BRINP3: variants seen among roughly 807,000 people sequenced by gnomAD.
The protein encoded by BRINP3 is BMP/retinoic acid-inducible neural-specific protein 3.
Under a neutral mutation model 71.0 loss-of-function variants are expected in BRINP3, and 19 were observed. The ratio of observed to expected loss-of-function variants is 0.27; its 90% CI spans 0.19 to 0.39. The LOEUF (loss-of-function observed/expected upper bound fraction) is 0.39, where lower values mean the gene tolerates loss of function less well. BRINP3 is among the 10% of genes least tolerant of loss of function. BRINP3 has a pLI of 1.00. For missense variants in BRINP3, 959 were observed against 940.8 expected (o/e 1.02, Z -0.25); for synonymous variants, 380 against 337.7 (o/e 1.13, Z -1.37).
chr1:190,297,937 T>C (rs925717633), intron 2 of BRINP3, among the ~76,000 whole-genome samples: 3 of 152,098 alleles, frequency 2.0e-5, no homozygotes, highest in Non-Finnish European at 4.4e-5. Context: ...TTAATTCTTA[T>C]TCAAATATTT....
chr1:190,356,007 T>C (rs1164018520), intron 2 of BRINP3, among the ~76,000 whole-genome samples: 2 of 151,970 alleles, frequency 1.3e-5, no homozygotes, highest in Non-Finnish European at 2.9e-5. Context: ...AGCTATATAT[T>C]CGCCTACATG....
intron 2 of BRINP3, among the ~76,000 whole-genome samples, chr1:190,321,963 T>G (rs564937145): frequency 1.1e-4 from 17 of 152,110 alleles, no homozygotes; most frequent in African/African-American, 3.9e-4. Context: ...TCTCTAAAAT[T>G]AATGAAATGA....
At chr1:190,309,273 A>G (rs978788743) in intron 2 of BRINP3, among the ~76,000 whole-genome samples, 3 of 151,784 alleles carry the variant, frequency 2.0e-5, no homozygotes, top group Non-Finnish European at 4.4e-5. Flanking sequence ...ACAGAGTAGA[A>G]TGGTAGTTGT....
chr1:190,477,804 T>A lies in BRINP3; in HGVS notation c.-407A>T, dbSNP rs559341692. 1.3e-5 allele frequency: 2 copies of A among 152,162 alleles called. No individual in the cohort carries two copies. The highest frequency in any genetic ancestry group is 2.9e-5 in the Non-Finnish European group (2 of 68,054). 9.4% of individuals were successfully genotyped at this position (152,162 alleles called of 1,614,324 possible). ...CAGAGAACAGGAGGTGGAATACAGA[T>A]AAATCTGCAAAGAGAAGTAAAAGGA... On this transcript the variant is annotated 5_prime_UTR_variant, in exon 1 of 8. Transcript: ENST00000367462.
At chr1:190,322,897 A>G (rs531894695) in intron 2 of BRINP3, among the ~76,000 whole-genome samples, 1 of 152,144 alleles carries the variant, frequency 6.6e-6, no homozygotes, top group South Asian at 2.1e-4. Flanking sequence ...CCTTCACATT[A>G]ATTATCTCGT....
At chr1:190,125,587 A>T (rs1030650757) in intron 7 of BRINP3, among the ~76,000 whole-genome samples, 1 of 152,008 alleles carries the variant, frequency 6.6e-6, no homozygotes, top group African/African-American at 2.4e-5. Context: ...TATCTTAAAG[A>T]AATTTCTACA....
At chr1:190,278,050 G>A (rs1217432081) in intron 3 of BRINP3, among the ~76,000 whole-genome samples, 1 of 151,592 alleles carries the variant, frequency 6.6e-6, no homozygotes, top group African/African-American at 2.4e-5. Context: ...AAGGCTTCAA[G>A]TATGGTACCC....
intron 7 of BRINP3, 24 bp from the exon 8 acceptor site, chr1:190,099,158 T>C (rs1452523189): frequency 1.9e-6 from 3 of 1,599,614 alleles, no homozygotes; most frequent in South Asian, 1.1e-5. Context: ...ACAGAACGAA[T>C]CTACATAAAT....
At chr1:190,241,915 T>G (rs950173525) in intron 4 of BRINP3, among the ~76,000 whole-genome samples, 5 of 151,638 alleles carry the variant, frequency 3.3e-5, no homozygotes, top group African/African-American at 1.2e-4. Flanking sequence ...CTGAAGATAG[T>G]GCCTTATAAT....
intron 2 of BRINP3, among the ~76,000 whole-genome samples, chr1:190,405,171 G>T (rs1672179548): frequency 6.6e-6 from 1 of 151,984 alleles, no homozygotes; most frequent in African/African-American, 2.4e-5. Flanking sequence ...CAGAAACGTG[G>T]CCGGGCACAG....
intron 3 of BRINP3, among the ~76,000 whole-genome samples, chr1:190,267,074 C>T (rs1297798216): frequency 6.6e-6 from 1 of 152,014 alleles, no homozygotes; most frequent in East Asian, 1.9e-4. Context: ...TATGAGACTT[C>T]AACACATATT....
chr1:190,260,873 T>C lies in BRINP3; in HGVS notation c.618+3992A>G, dbSNP rs1194413883. ...GTTAATTGTAATATACTGTTTCTAC[T>C]TATTCCTAGGTTTGCTGCTCAAAAC... On this transcript the variant is annotated intron_variant, in intron 4 of 7. Coordinates refer to ENST00000367462, the MANE Select transcript of BRINP3 (RefSeq NM_199051.3). Among the ~76,000 whole-genome samples, 4 of 152,068 alleles carry C rather than the reference T, an allele frequency of 2.6e-5. No homozygotes were observed. The East Asian group carries it at 7.7e-4, about 29-fold the overall frequency.
At chr1:190,443,453 T>C (rs1674977037) in intron 2 of BRINP3, among the ~76,000 whole-genome samples, 1 of 151,808 alleles carries the variant, frequency 6.6e-6, no homozygotes, top group South Asian at 2.1e-4. Flanking sequence ...CAAAGAACTC[T>C]GAGAATCTTT....
intron 7 of BRINP3, among the ~76,000 whole-genome samples, chr1:190,124,523 C>A (rs1246961386): frequency 6.6e-6 from 1 of 152,050 alleles, no homozygotes; most frequent in Non-Finnish European, 1.5e-5. Context: ...TGCGTAGAAG[C>A]TGCTTAACAA....
intron 2 of BRINP3, among the ~76,000 whole-genome samples, chr1:190,378,248 C>G (rs1193514587): frequency 6.6e-6 from 1 of 152,158 alleles, no homozygotes; most frequent in Non-Finnish European, 1.5e-5. Context: ...CCTGGCACCT[C>G]TCTGAAAGAC....
chr1:190,108,731 A>G (rs1004208174), intron 7 of BRINP3, among the ~76,000 whole-genome samples: 2 of 151,360 alleles, frequency 1.3e-5, no homozygotes, highest in African/African-American at 4.9e-5. Context: ...TTTCCAGACA[A>G]AGTTACAAAA....
Position 190,265,109 on chromosome 1 carries a change from T to TA in BRINP3, c.428-55dup, listed in dbSNP as rs113203857. The TA allele has an allele frequency of 2.7e-6, 4 of 1,479,718 alleles. No individual in the cohort carries two copies. The Admixed American group carries it at 6.5e-5, about 24-fold the overall frequency. The allele number at this position is 1,479,718 out of a possible 1,614,324, so 91.7% of individuals were successfully genotyped here. A position where few individuals can be genotyped will look rare whatever the true frequency, so the allele number is the denominator to read the frequency against. On this transcript the variant is annotated intron_variant, in intron 3 of 7. Transcript: ENST00000367462. The stretch of plus-strand genomic sequence containing the variant: ...ATTTTCCACTTAAAATCTTTTTTTT[T>TA]AACTTATCTGCAGGTGGAAAGGTCT...
intron 6 of BRINP3, 58 bp downstream of exon 6, chr1:190,226,024 C>A: frequency 4.5e-6 from 5 of 1,109,780 alleles, no homozygotes; most frequent in Admixed American, 2.5e-5. Context: ...ACAAATTAGC[C>A]ATTTCAATAT....
chr1:190,269,322 A>G (rs1331062588), intron 3 of BRINP3, among the ~76,000 whole-genome samples: 1 of 152,134 alleles, frequency 6.6e-6, no homozygotes, highest in Non-Finnish European at 1.5e-5. Flanking sequence ...ATGAAATGAA[A>G]CCATTTGAGT....
Sources: gnomAD v4.1 joint callset for allele counts (sites outside exome capture counted in the v4.1 genomes callset) on GRCh38, gnomAD v4.1.1 for gene constraint, MANE v1.5 for transcripts, NCBI Gene and HGNC (gene_info 2026-07-23, HGNC 2026-07-21) for gene names.